SNTB1: variants seen among roughly 807,000 people sequenced by gnomAD.
The protein encoded by SNTB1 is beta-1-syntrophin.
SNTB1 carries 36 observed loss-of-function variants against 48.9 expected under a neutral mutation model. That is an observed-to-expected ratio of 0.74 (90% CI 0.56 to 0.97). The LOEUF is 0.97. Ranked by LOEUF, SNTB1 falls within the 50% of genes least tolerant of loss-of-function variation. SNTB1 has a pLI of 0.00. For synonymous variants in SNTB1, 299 were observed against 294.6 expected, an observed-to-expected ratio of 1.01 and a Z score of -0.15; for missense variants, 786 against 703.4, an observed-to-expected ratio of 1.12 and a Z score of -1.33.
intron 2 of SNTB1, among the ~76,000 whole-genome samples, chr8:120,645,102 A>C (rs1022437410): frequency 9.4e-5 from 14 of 149,124 alleles, no homozygotes; most frequent in Non-Finnish European, 3.0e-5. Context: ...ATTTTCTCCC[A>C]TTTTGTAGGT....
chr8:120,684,656 T>C (rs60133028), intron 2 of SNTB1, among the ~76,000 whole-genome samples: 1 of 129,466 alleles, frequency 7.7e-6, no homozygotes, highest in Non-Finnish European at 1.6e-5. Flanking sequence ...AAAAATTGAA[T>C]TTTTTTTTTT....
intron 3 of SNTB1, among the ~76,000 whole-genome samples, chr8:120,582,514 T>C (rs998868262): frequency 1.3e-5 from 2 of 152,070 alleles, no homozygotes; most frequent in African/African-American, 4.8e-5. Flanking sequence ...GAGATCATGA[T>C]CAATAAACCT....
intron 1 of SNTB1, among the ~76,000 whole-genome samples, chr8:120,789,333 T>C (rs1172089226): frequency 6.9e-6 from 1 of 145,500 alleles, no homozygotes; most frequent in Admixed American, 6.8e-5. Flanking sequence ...CTCAAGGAAG[T>C]AGAAAAAAAA....
At chr8:120,778,298 G>T (rs531724396) in intron 1 of SNTB1, among the ~76,000 whole-genome samples, 4 of 152,248 alleles carry the variant, frequency 2.6e-5, no homozygotes, top group African/African-American at 9.6e-5. Flanking sequence ...CTTACAGAAA[G>T]ATCTCTACTA....
chr8:120,543,959 A>AT (rs5894527), intron 5 of SNTB1, among the ~76,000 whole-genome samples: 111,490 of 144,720 alleles, frequency 0.77, 42,792 homozygotes, highest in African/African-American at 0.8. Flanking sequence ...TGACCCCTCC[A>AT]TTTTTTTTTT....
At chr8:120,613,486 A>G (rs1052887132) in intron 3 of SNTB1, among the ~76,000 whole-genome samples, 10 of 152,228 alleles carry the variant, frequency 6.6e-5, no homozygotes, top group Middle Eastern at 3.4e-3. Flanking sequence ...GTTAATGGGT[A>G]CAAAATCTGC....
At chr8:120,773,856 C>T (rs1819682921) in intron 1 of SNTB1, among the ~76,000 whole-genome samples, 1 of 152,218 alleles carries the variant, frequency 6.6e-6, no homozygotes, top group African/African-American at 2.4e-5. Flanking sequence ...TGTGGTGGAG[C>T]TAGGCTTTAA....
At chr8:120,622,559 T>TA (rs1228621535) in intron 3 of SNTB1, among the ~76,000 whole-genome samples, 4 of 151,976 alleles carry the variant, frequency 2.6e-5, no homozygotes, top group East Asian at 1.9e-4. Context: ...TTCAAAGCAT[T>TA]AAAAAAAATA....
At chr8:120,766,915 C>T (rs1819535569) in intron 1 of SNTB1, among the ~76,000 whole-genome samples, 1 of 152,126 alleles carries the variant, frequency 6.6e-6, no homozygotes. Context: ...GTTTTATATT[C>T]TATGCCCATT....
At chr8:120,583,560 C>CACACACACACAA (rs1466831833) in intron 3 of SNTB1, among the ~76,000 whole-genome samples, 8 of 134,816 alleles carry the variant, frequency 5.9e-5, no homozygotes, top group African/African-American at 2.2e-4. Context: ...CACACACACA[C>CACACACACACAA]AAAACTGGAA....
chr8:120,611,483 CCT>C (rs1816620622), intron 3 of SNTB1, among the ~76,000 whole-genome samples: 1 of 152,136 alleles, frequency 6.6e-6, no homozygotes, highest in Non-Finnish European at 1.5e-5. Context: ...AGAATAATTA[CCT>C]CTGAGACGAG....
chr8:120,604,361 C>T (rs1816475995), intron 3 of SNTB1, among the ~76,000 whole-genome samples: 1 of 152,120 alleles, frequency 6.6e-6, no homozygotes, highest in Non-Finnish European at 1.5e-5. Flanking sequence ...CTAAGTGGTC[C>T]ACTCTTGCAG....
chr8:120,752,566 A>G (rs1368210437), intron 1 of SNTB1, among the ~76,000 whole-genome samples: 2 of 152,184 alleles, frequency 1.3e-5, no homozygotes, highest in African/African-American at 4.8e-5. Flanking sequence ...GGAAAACTGG[A>G]CAAGAAAACT....
intron 1 of SNTB1, among the ~76,000 whole-genome samples, chr8:120,738,169 T>C (rs1818980297): frequency 6.6e-6 from 1 of 152,096 alleles, no homozygotes; most frequent in Non-Finnish European, 1.5e-5. Flanking sequence ...GAAGACACCT[T>C]CTATGAACCA....
At chr8:120,539,740 A>G (rs1815254856) in intron 6 of SNTB1, among the ~76,000 whole-genome samples, 6 of 152,184 alleles carry the variant, frequency 3.9e-5, no homozygotes, top group Admixed American at 3.9e-4. Flanking sequence ...TGATGATGAC[A>G]CTGTTGGAGA....
intron 1 of SNTB1, among the ~76,000 whole-genome samples, chr8:120,733,478 T>C (rs1818887441): frequency 6.6e-6 from 1 of 152,236 alleles, no homozygotes; most frequent in Admixed American, 6.5e-5. Flanking sequence ...TTTTCCAAAC[T>C]CCAATTAAGC....
At chr8:120,731,531 C>T (rs962817904) in intron 1 of SNTB1, among the ~76,000 whole-genome samples, 1 of 152,180 alleles carries the variant, frequency 6.6e-6, no homozygotes, top group African/African-American at 2.4e-5. Context: ...ACTTCCAAGG[C>T]GTCTAGTCCT....
At chr8:120,789,828 A>C (rs1819993787) in intron 1 of SNTB1, among the ~76,000 whole-genome samples, 1 of 151,976 alleles carries the variant, frequency 6.6e-6, no homozygotes, top group Non-Finnish European at 1.5e-5. Flanking sequence ...ATTGGTACCA[A>C]TTATAATGAA....
intron 1 of SNTB1, among the ~76,000 whole-genome samples, chr8:120,746,804 T>C (rs1311040472): frequency 1.3e-5 from 2 of 152,206 alleles, no homozygotes; most frequent in Non-Finnish European, 2.9e-5. Flanking sequence ...ATTCAGGCTA[T>C]AGACTGAAAC....
Sources: allele counts gnomAD v4.1 joint callset (sites outside exome capture counted in the v4.1 genomes callset), GRCh38; gene constraint gnomAD v4.1.1; transcripts MANE v1.5; gene names NCBI Gene and HGNC (gene_info 2026-07-23, HGNC 2026-07-21).